Variants in MBNL1 observed in about 807,000 individuals in gnomAD.
MBNL1 encodes muscleblind like splicing regulator 1, also known as muscleblind-like protein 1.
Under a neutral mutation model 42.2 loss-of-function variants are expected in MBNL1, and 8 were observed. That is an observed-to-expected ratio of 0.19 (90% CI 0.11 to 0.34). The LOEUF is 0.34. Among genes scored for constraint, MBNL1 ranks in the 10% least tolerant of loss-of-function variants. MBNL1 has a pLI of 1.00. For synonymous variants in MBNL1, 169 were observed against 173.9 expected, an observed-to-expected ratio of 0.97 and a Z score of 0.22; for missense variants, 309 against 495.3, an observed-to-expected ratio of 0.62 and a Z score of 3.57.
chr3:152,312,725 C>T (rs2067561392), intron 2 of MBNL1, among the ~76,000 whole-genome samples: 1 of 152,108 alleles, frequency 6.6e-6, no homozygotes, highest in South Asian at 2.1e-4. Flanking sequence ...ACTGGTGTTC[C>T]TTGTCCTTTC....
At chr3:152,325,753 A>C (rs1251627211) in intron 2 of MBNL1, among the ~76,000 whole-genome samples, 4 of 151,828 alleles carry the variant, frequency 2.6e-5, no homozygotes, top group Non-Finnish European at 5.9e-5. Flanking sequence ...ATTAAAAAAA[A>C]AAAAAAATCC....
rs975686526 is a variant in MBNL1 at position 152,282,857 on chromosome 3, C to T, written c.-790+13765C>T. Reference sequence around the variant, plus strand: ...CAATTAAACAAGAGAAATAGCATCACAAAATAATACGGGAAGAGAAAACTC... The same window carrying T: ...CAATTAAACAAGAGAAATAGCATCATAAAATAATACGGGAAGAGAAAACTC... On this transcript the variant is annotated intron_variant, in intron 1 of 9. Coordinates refer to ENST00000324210, the MANE Select transcript of MBNL1 (RefSeq NM_021038.5). 2.0e-5 allele frequency among the ~76,000 whole-genome samples: 3 copies of T among 152,164 alleles called. No homozygotes were observed. The South Asian group carries it at 6.2e-4, about 32-fold the overall frequency.
chr3:152,335,623 CT>C (rs59575048), intron 2 of MBNL1, among the ~76,000 whole-genome samples: 12,594 of 148,484 alleles, frequency 0.085, 577 homozygotes, highest in Middle Eastern at 0.17. Context: ...AATTGAGCAC[CT>C]TTTTTTTTTC....
chr3:152,366,058 G>T (rs549418553), intron 2 of MBNL1, among the ~76,000 whole-genome samples: 51 of 152,196 alleles, frequency 3.4e-4, no homozygotes, highest in Middle Eastern at 3.4e-3. Flanking sequence ...GAATGAAGTA[G>T]TTGGCTTAAC....
intron 4 of MBNL1, among the ~76,000 whole-genome samples, chr3:152,436,110 A>G (rs894170141): frequency 3.9e-5 from 6 of 152,208 alleles, no homozygotes; most frequent in African/African-American, 1.4e-4. Flanking sequence ...AGGCTGTTGT[A>G]TGAACATAAT....
At chr3:152,396,624 C>T (rs530908656) in intron 2 of MBNL1, among the ~76,000 whole-genome samples, 2 of 152,110 alleles carry the variant, frequency 1.3e-5, no homozygotes, top group African/African-American at 4.8e-5. Flanking sequence ...GGTTTCACAG[C>T]GCACTTCATA....
At chr3:152,286,524 A>G (rs1276168666) in intron 1 of MBNL1, among the ~76,000 whole-genome samples, 1 of 143,596 alleles carries the variant, frequency 7.0e-6, no homozygotes, top group African/African-American at 2.5e-5. Flanking sequence ...TTTATTTATA[A>G]TATAAATATA....
intron 9 of MBNL1, among the ~76,000 whole-genome samples, chr3:152,460,494 T>A (rs867772705): frequency 6.8e-6 from 1 of 147,728 alleles, no homozygotes; most frequent in African/African-American, 2.5e-5. Flanking sequence ...GGGATAGCAT[T>A]GGGAGATATA....
intron 4 of MBNL1, among the ~76,000 whole-genome samples, chr3:152,443,703 T>C (rs1269896852): frequency 2.0e-5 from 3 of 152,136 alleles, no homozygotes; most frequent in African/African-American, 7.2e-5. Context: ...TTATAAATCT[T>C]GGTAATACTT....
chr3:152,385,873 G>A (rs1192929241), intron 2 of MBNL1, among the ~76,000 whole-genome samples: 1 of 152,010 alleles, frequency 6.6e-6, no homozygotes, highest in African/African-American at 2.4e-5. Flanking sequence ...AAGTGATAGA[G>A]TAGTTCACTA....
intron 2 of MBNL1, among the ~76,000 whole-genome samples, chr3:152,261,480 T>G (rs2036263494): frequency 6.6e-6 from 1 of 152,118 alleles, no homozygotes; most frequent in Admixed American, 6.5e-5. Flanking sequence ...TTCATTAGGG[T>G]TAACAAGCTA....
chr3:152,332,723 TGTGTGTGTGTGTGTGTGC>T (rs1191937072), intron 2 of MBNL1, among the ~76,000 whole-genome samples: 24 of 129,332 alleles, frequency 1.9e-4, no homozygotes, highest in African/African-American at 5.4e-4. Flanking sequence ...TGTGTGTGTG[TGTGTGTGTGTGTGTGTGC>T]GCGCGCGCAT....
At chr3:152,252,557 C>T (rs1427017886) in intron 2 of MBNL1, among the ~76,000 whole-genome samples, 1 of 151,892 alleles carries the variant, frequency 6.6e-6, no homozygotes, top group African/African-American at 2.4e-5. Context: ...AAAATACCTG[C>T]TTGAGTTTGG....
chr3:152,269,257 C>T (rs2149642737), intron 1 of MBNL1, 165 bp downstream of exon 1: 1 of 329,274 alleles, frequency 3.0e-6, no homozygotes, highest in East Asian at 9.6e-5. Flanking sequence ...CTCAGCACCT[C>T]CTGCCCGGGG....
intron 3 of MBNL1, 52 bp downstream of exon 3, chr3:152,415,163 G>A (rs776451756): frequency 1.3e-6 from 2 of 1,483,920 alleles, no homozygotes; most frequent in Admixed American, 2.5e-5. Context: ...AAAGTGCTCA[G>A]TTGTAGTACT....
chr3:152,331,379 A>C (rs2084421875), intron 2 of MBNL1, among the ~76,000 whole-genome samples: 1 of 152,212 alleles, frequency 6.6e-6, no homozygotes, highest in Non-Finnish European at 1.5e-5. Flanking sequence ...TTTAAAGCAT[A>C]AAGTTGTGAG....
At position 152,465,478 on chromosome 3, in the gene MBNL1, A is replaced by G. The variant is rs1750082852; in HGVS notation, c.*3112A>G. On this transcript the variant is annotated 3_prime_UTR_variant, in exon 10 of 10. Coordinates refer to ENST00000324210, the MANE Select transcript of MBNL1 (RefSeq NM_021038.5). ...ATTTTCAACTCAGAAGCACTCAAAA[A>G]TGCAAAATGTGATAATGGGCACTTG... 6.6e-6 allele frequency: 1 copy of G among 152,656 alleles called. No individual in the cohort carries two copies. The highest frequency in any genetic ancestry group is 1.5e-5 in the Non-Finnish European group (1 of 68,036). The allele number at this position is 152,656 out of a possible 1,614,324, so 9.5% of individuals were successfully genotyped here.
intron 1 of MBNL1, among the ~76,000 whole-genome samples, chr3:152,283,604 C>T (rs1161657560): frequency 6.6e-6 from 1 of 152,202 alleles, no homozygotes; most frequent in Non-Finnish European, 1.5e-5. Flanking sequence ...ACTGACTCTG[C>T]CCTTGGGTGA....
rs149319107 is a variant in MBNL1 at position 152,456,389 on chromosome 3, A to G, written c.1092+28A>G. On this transcript the variant is annotated intron_variant, in intron 8 of 9. Transcript: ENST00000324210. ...TTGCTAATTTACAGCTTTGTTTCTTAAAAAACAACTCTAATAGGGCTCAAT... is the reference window on the plus strand; with the variant it reads ...TTGCTAATTTACAGCTTTGTTTCTTGAAAAACAACTCTAATAGGGCTCAAT... 8,889 of 1,577,454 alleles carry G rather than the reference A, an allele frequency of 5.6e-3. 45 individuals are homozygous for G. Among genetic ancestry groups the G allele is most frequent in the Middle Eastern group, 6.5e-3 (39 of 6,002 alleles).
Sources: gnomAD v4.1 joint callset for allele counts (sites outside exome capture counted in the v4.1 genomes callset) on GRCh38, gnomAD v4.1.1 for gene constraint, MANE v1.5 for transcripts, NCBI Gene and HGNC (gene_info 2026-07-23, HGNC 2026-07-21) for gene names.